Variants in FAM241A observed in about 807,000 individuals in gnomAD.
FAM241A encodes the protein family with sequence similarity 241 member A.
In FAM241A, 7 loss-of-function variants were observed where a neutral mutation model predicts 12.2. The ratio of observed to expected loss-of-function variants is 0.58; its 90% CI spans 0.33 to 1.08. The LOEUF (loss-of-function observed/expected upper bound fraction) is 1.08. Ranked by LOEUF, FAM241A falls within the 50% of genes least tolerant of loss-of-function variation. The probability of loss-of-function intolerance (pLI) is 0.04; values close to 1 mark genes in which losing one functional copy is unlikely to be tolerated. For synonymous variants in FAM241A, 74 were observed against 68.2 expected, an observed-to-expected ratio of 1.08 and a Z score of -0.42; for missense variants, 161 against 169.7, an observed-to-expected ratio of 0.95 and a Z score of 0.29.
chr4:112,164,653 A>G (rs1009169053), intron 1 of FAM241A, among the ~76,000 whole-genome samples: 6 of 152,310 alleles, frequency 3.9e-5, no homozygotes, highest in Admixed American at 2.6e-4. Context: ...AAAAGAAACA[A>G]TCAAGTGAAG....
In FAM241A at chr4:112,145,666, C is replaced by T; in HGVS notation, c.86C>T (p.Ala29Val). 1.6e-6 allele frequency: 2 copies of T among 1,216,150 alleles called. No individual in the cohort carries two copies. Among genetic ancestry groups the T allele is most frequent in the South Asian group, 8.3e-5 (2 of 24,208 alleles). The allele number at this position is 1,216,150 out of a possible 1,614,324, so 75.3% of individuals were successfully genotyped here. ...GACGCGCTGGCGGAGCGGGAGGCGGCAGGGACCGGGTGGGATCCCGGGGCG... is the reference window on the plus strand; with the variant it reads ...GACGCGCTGGCGGAGCGGGAGGCGGTAGGGACCGGGTGGGATCCCGGGGCG... ...DGDALAEREAAGTGWDPGASP... is the reference protein window; with the variant it reads ...DGDALAEREAVGTGWDPGASP... Residue 29 changes from alanine (A) to valine (V), a missense_variant, in exon 1 of 2, where the codon GCA (alanine) becomes GTA (valine). Ala to Val is a moderately conservative substitution (Grantham distance 64). Transcript: ENST00000309733.
chr4:112,156,333 C>T (rs1303827911), intron 1 of FAM241A, among the ~76,000 whole-genome samples: 1 of 152,154 alleles, frequency 6.6e-6, no homozygotes, highest in African/African-American at 2.4e-5. Flanking sequence ...TCAGCTCTGA[C>T]TACTTTGTGG....
At chr4:112,168,695 G>T (rs1207414757) in intron 1 of FAM241A, among the ~76,000 whole-genome samples, 1 of 151,918 alleles carries the variant, frequency 6.6e-6, no homozygotes, top group East Asian at 1.9e-4. Context: ...ACAGTGTTTG[G>T]CTGTTGTTGC....
chr4:112,186,200 T>A (rs567971351), intron 1 of FAM241A, among the ~76,000 whole-genome samples: 261 of 152,320 alleles, frequency 1.7e-3, no homozygotes, highest in African/African-American at 4.8e-3. Flanking sequence ...ATGAAATTAA[T>A]AAGAGGCATT....
chr4:112,145,459 G>A lies in FAM241A; in HGVS notation c.-122G>A. ...CGCCCAGGCCGGCGGGGCGCGCTCC[G>A]GCGGCTCCTGTCAGCGGCGGGTGCG... On this transcript the variant is annotated 5_prime_UTR_variant, in exon 1 of 2. Transcript: ENST00000309733. 9.9e-7 allele frequency: 1 copy of A among 1,013,268 alleles called. No individual in the cohort carries two copies. Among genetic ancestry groups the A allele is most frequent in the South Asian group, 4.9e-5 (1 of 20,478 alleles). The allele number at this position is 1,013,268 out of a possible 1,614,324, so 62.8% of individuals were successfully genotyped here.
At position 112,187,519 on chromosome 4, in the gene FAM241A, A is replaced by G. The variant is rs929693566; in HGVS notation, c.*581A>G. The G allele has an allele frequency of 2.0e-5, 3 of 152,616 alleles. No homozygotes were observed. Among genetic ancestry groups the G allele is most frequent in the Non-Finnish European group, 4.4e-5 (3 of 68,000 alleles). The allele number at this position is 152,616 out of a possible 1,614,324, so 9.5% of individuals were successfully genotyped here. A position where few individuals can be genotyped will look rare whatever the true frequency, so the allele number is the denominator to read the frequency against. On this transcript the variant is annotated 3_prime_UTR_variant, in exon 2 of 2. Transcript: ENST00000309733. ...TCAGTAAAGATAGAACGTTTTCTAA[A>G]GGTCAAAAATAATATATTTATTATT...
intron 1 of FAM241A, among the ~76,000 whole-genome samples, chr4:112,161,447 A>C (rs1723466804): frequency 6.6e-6 from 1 of 152,210 alleles, no homozygotes; most frequent in African/African-American, 2.4e-5. Flanking sequence ...GAGAAGAATC[A>C]GATTGATGCA....
intron 1 of FAM241A, 46 bp downstream of exon 1, chr4:112,145,779 G>C (rs1483538609): frequency 9.0e-7 from 1 of 1,112,126 alleles, no homozygotes; most frequent in African/African-American, 1.7e-5. Flanking sequence ...GTCGGGGGCC[G>C]CGAGCCCCGC....
At chr4:112,174,736 A>C (rs1231446748) in intron 1 of FAM241A, among the ~76,000 whole-genome samples, 1 of 152,208 alleles carries the variant, frequency 6.6e-6, no homozygotes, top group Non-Finnish European at 1.5e-5. Flanking sequence ...TCTCAGGAGC[A>C]ATTATGGTAG....
chr4:112,161,560 A>C (rs1358591144), intron 1 of FAM241A, among the ~76,000 whole-genome samples: 1 of 152,240 alleles, frequency 6.6e-6, no homozygotes, highest in Non-Finnish European at 1.5e-5. Context: ...GAAAATCTAG[A>C]AGAAACGGAT....
intron 1 of FAM241A, among the ~76,000 whole-genome samples, chr4:112,173,305 A>T (rs1278326489): frequency 6.6e-6 from 1 of 152,254 alleles, no homozygotes; most frequent in Non-Finnish European, 1.5e-5. Context: ...GAGAGTTATA[A>T]ATAATGATAG....
intron 1 of FAM241A, among the ~76,000 whole-genome samples, chr4:112,150,195 G>A (rs1723220390): frequency 6.6e-6 from 1 of 151,876 alleles, no homozygotes; most frequent in Admixed American, 6.6e-5. Flanking sequence ...ATTGAATAAT[G>A]TACTTTCTGC....
chr4:112,172,602 G>A (rs1241408715), intron 1 of FAM241A, among the ~76,000 whole-genome samples: 3 of 152,122 alleles, frequency 2.0e-5, no homozygotes, highest in African/African-American at 4.8e-5. Context: ...CAAGCATTTT[G>A]CAGCTCTTAA....
chr4:112,178,270 G>A (rs1282377867), intron 1 of FAM241A, among the ~76,000 whole-genome samples: 2 of 152,156 alleles, frequency 1.3e-5, no homozygotes, highest in African/African-American at 4.8e-5. Flanking sequence ...TAAATTTAAG[G>A]ACTTTGAGAT....
chr4:112,183,390 A>G (rs1457472669), intron 1 of FAM241A, among the ~76,000 whole-genome samples: 2 of 152,084 alleles, frequency 1.3e-5, no homozygotes, highest in Admixed American at 6.6e-5. Flanking sequence ...GCTGATCTCA[A>G]GATCTGAGAT....
intron 1 of FAM241A, among the ~76,000 whole-genome samples, chr4:112,182,566 C>T (rs1018812660): frequency 3.9e-5 from 6 of 152,088 alleles, no homozygotes; most frequent in Non-Finnish European, 8.8e-5. Flanking sequence ...AACTCATCGA[C>T]TATAACCGTG....
intron 1 of FAM241A, among the ~76,000 whole-genome samples, chr4:112,168,238 T>A (rs776794215): frequency 7.9e-5 from 12 of 152,252 alleles, no homozygotes; most frequent in Non-Finnish European, 1.2e-4. Context: ...TGTCACAGAT[T>A]CACACACTTT....
At position 112,189,667 on chromosome 4, in the gene FAM241A, A is replaced by G. The variant is rs1477425853; in HGVS notation, c.*2729A>G. ...GCTGTCATGGGCAAGGTATTTTCCC[A>G]TTCCTGGCTACAGGCAGATCATTCC... On this transcript the variant is annotated 3_prime_UTR_variant, in exon 2 of 2. Transcript: ENST00000309733. 1 of 152,160 alleles carries G rather than the reference A, an allele frequency of 6.6e-6. No homozygotes were observed. Among genetic ancestry groups the G allele is most frequent in the Non-Finnish European group, 1.5e-5 (1 of 68,038 alleles). 9.4% of individuals were successfully genotyped at this position (152,160 alleles called of 1,614,324 possible).
chr4:112,186,733 G>A lies in FAM241A; in HGVS notation c.194G>A (p.Gly65Glu), dbSNP rs11548409. 33 of 1,613,444 alleles carry A rather than the reference G, an allele frequency of 2.0e-5. No homozygotes were observed. The highest frequency in any genetic ancestry group is 2.6e-5 in the Non-Finnish European group (31 of 1,179,830). ...CAGAACCACACTGGTGAGCCGGTTGGAGATGACTACAAGAAAATGGGAACA... is the reference window on the plus strand; with the variant it reads ...CAGAACCACACTGGTGAGCCGGTTGAAGATGACTACAAGAAAATGGGAACA... ...DSQNHTGEPV[G>E]DDYKKMGTLF... The change falls in exon 2 of 2, where the codon GGA (glycine) becomes GAA (glutamate). Residue 65 changes from glycine to glutamate, a missense_variant. Physicochemically the swap from Gly to Glu is moderately conservative, Grantham distance 98. Transcript: ENST00000309733.
Sources: gnomAD v4.1 joint callset for allele counts (sites outside exome capture counted in the v4.1 genomes callset) on GRCh38, gnomAD v4.1.1 for gene constraint, MANE v1.5 for transcripts, NCBI Gene and HGNC (gene_info 2026-07-23, HGNC 2026-07-21) for gene names.